DPH1: variants seen among roughly 807,000 people sequenced by gnomAD.
The protein encoded by DPH1 is diphthamide biosynthesis 1.
Under a neutral mutation model 55.3 loss-of-function variants are expected in DPH1, and 59 were observed. The ratio of observed to expected loss-of-function variants is 1.07; its 90% CI spans 0.87 to 1.33. The LOEUF is 1.33. Ranked by LOEUF, DPH1 falls within the 40% of genes most tolerant of loss-of-function variation. The pLI is 0.00. For synonymous variants in DPH1, 238 were observed against 235.5 expected, an observed-to-expected ratio of 1.01 and a Z score of -0.10; for missense variants, 628 against 584.8, an observed-to-expected ratio of 1.07 and a Z score of -0.76.
rs1163284311 is a variant in DPH1, at chr17:2,036,203, C to T, written c.400+112C>T. 3 of 1,493,866 alleles carry T rather than the reference C, an allele frequency of 2.0e-6. No individual in the cohort carries two copies. The highest frequency in any genetic ancestry group is 2.7e-6 in the Non-Finnish European group (3 of 1,119,022). 92.5% of individuals were successfully genotyped at this position (1,493,866 alleles called of 1,614,324 possible). A position where few individuals can be genotyped will look rare whatever the true frequency, so the allele number is the denominator to read the frequency against. Reference sequence around the variant, plus strand: ...TGTCCTGCTTGGAGACACAAGGTCCCTCCTGGTTTCTGGGGTGGCCTCTGC... The same window carrying T: ...TGTCCTGCTTGGAGACACAAGGTCCTTCCTGGTTTCTGGGGTGGCCTCTGC... On this transcript the variant is annotated intron_variant, in intron 4 of 12. Coordinates refer to ENST00000263083, the MANE Select transcript of DPH1 (RefSeq NM_001383.6). The surrounding 1 kb of genome is among the most constrained non-coding windows in gnomAD (Gnocchi z 4.8).
chr17:2,039,675 C>A lies in DPH1; in HGVS notation c.681-80C>A. The A allele has an allele frequency of 1.9e-6, 3 of 1,586,658 alleles. No homozygotes were observed. In the East Asian group the frequency reaches 6.7e-5, roughly 36 times the overall value. ...TACAGGCGTGAGCCACCGCGCCCGG[C>A]CAGCCCTGTGGACTTCTAAGCCAGC... On this transcript the variant is annotated intron_variant, in intron 6 of 12. Coordinates refer to ENST00000263083, the MANE Select transcript of DPH1 (RefSeq NM_001383.6).
Position 2,042,825 on chromosome 17 carries a change from C to T in DPH1, c.*239C>T. On this transcript the variant is annotated 3_prime_UTR_variant, in exon 13 of 13. Coordinates refer to ENST00000263083, the MANE Select transcript of DPH1 (RefSeq NM_001383.6). Reference sequence around the variant, plus strand: ...TTGTGTGTGCCCTGGGCCAGGCAGGCGATCCCCGCTTCCCCTTGCCACGGT... The same window carrying T: ...TTGTGTGTGCCCTGGGCCAGGCAGGTGATCCCCGCTTCCCCTTGCCACGGT... 1 of 1,614,124 alleles carries T rather than the reference C, an allele frequency of 6.2e-7. No homozygotes were observed. Among genetic ancestry groups the T allele is most frequent in the Non-Finnish European group, 8.5e-7 (1 of 1,180,024 alleles).
intron 1 of DPH1, 32 bp from the exon 2 acceptor site, chr17:2,033,473 A>T (rs764762321): frequency 6.2e-7 from 1 of 1,613,496 alleles, no homozygotes; most frequent in South Asian, 1.1e-5. Flanking sequence ...AGCCAAAGAC[A>T]GACACCAACT....
intron 1 of DPH1, among the ~76,000 whole-genome samples, chr17:2,030,944 G>A (rs770451918): frequency 2.3e-4 from 35 of 152,168 alleles, no homozygotes; most frequent in Non-Finnish European, 4.7e-4. Context: ...CATCCCCACC[G>A]CCGCCCACAC....
chr17:2,035,908 G>A, intron 3 of DPH1, 62 bp from the exon 4 acceptor site: 1 of 1,601,750 alleles, frequency 6.2e-7, no homozygotes, highest in South Asian at 1.1e-5. Flanking sequence ...TCCCAGGGTT[G>A]GGTCTCTCCT....
In DPH1 at chr17:2,033,657, G is replaced by A; in HGVS notation, c.214G>A (p.Val72Met). 1 of 1,614,014 alleles carries A rather than the reference G, an allele frequency of 6.2e-7. No homozygotes were observed. Among genetic ancestry groups the A allele is most frequent in the Non-Finnish European group, 8.5e-7 (1 of 1,179,910 alleles). The change falls in exon 2 of 13, where the codon GTG becomes ATG. Residue 72 changes from valine to methionine, a missense_variant and splice_region_variant. Transcript: ENST00000263083. ...GATCCAACAAGCCCAGGCCAAGAAG[G>A]GTGAGCCTGTGATCATTGAGCTGGG... is the stretch of plus-strand genomic sequence containing the variant. Reference protein sequence around the residue: ...WRIQQAQAKKVALQMPEGLLL... With the variant: ...WRIQQAQAKKMALQMPEGLLL...
chr17:2,036,222 C>T lies in DPH1; in HGVS notation c.400+131C>T. 1 of 1,439,382 alleles carries T rather than the reference C, an allele frequency of 6.9e-7. No homozygotes were observed. The highest frequency in any genetic ancestry group is 9.2e-7 in the Non-Finnish European group (1 of 1,083,668). The allele number at this position is 1,439,382 out of a possible 1,614,324, so 89.2% of individuals were successfully genotyped here. On this transcript the variant is annotated intron_variant, in intron 4 of 12. Coordinates refer to ENST00000263083, the MANE Select transcript of DPH1 (RefSeq NM_001383.6). The surrounding 1 kb of genome is among the most constrained non-coding windows in gnomAD (Gnocchi z 4.8). The stretch of plus-strand genomic sequence containing the variant: ...AGGTCCCTCCTGGTTTCTGGGGTGG[C>T]CTCTGCCTTCCCGCTCTGCAGGTAG...
chr17:2,036,420 T>A lies in DPH1; in HGVS notation c.401-109T>A, dbSNP rs752163379. 5 of 1,408,816 alleles carry A rather than the reference T, an allele frequency of 3.5e-6. No individual in the cohort carries two copies. The African/African-American group carries it at 5.7e-5, about 16-fold the overall frequency. 87.3% of individuals were successfully genotyped at this position (1,408,816 alleles called of 1,614,324 possible). ...CCCCTCTTCTCCTACCCTGTCCTTT[T>A]ACCCCCAGGCTGAAGCCACTGCGCC... On this transcript the variant is annotated intron_variant, in intron 4 of 12. Coordinates refer to ENST00000263083, the MANE Select transcript of DPH1 (RefSeq NM_001383.6). The surrounding 1 kb of genome is among the most constrained non-coding windows in gnomAD (Gnocchi z 4.8).
chr17:2,040,713 T>C (rs999440758), intron 9 of DPH1, 108 bp downstream of exon 9: 1 of 1,305,568 alleles, frequency 7.7e-7, no homozygotes, highest in African/African-American at 1.5e-5. Context: ...GGTCATGGAA[T>C]TTTACTGTTT....
At chr17:2,041,284 A>G in intron 10 of DPH1, 103 bp downstream of exon 10, 7 of 1,488,078 alleles carry the variant, frequency 4.7e-6, no homozygotes, top group South Asian at 1.2e-5. Context: ...ATGTTCGTAG[A>G]TTCCGGAGTC....
At chr17:2,039,725 CCA>C (rs2067483824) in intron 6 of DPH1, 28 bp from the exon 7 acceptor site, 1 of 1,614,008 alleles carries the variant, frequency 6.2e-7, no homozygotes, top group South Asian at 1.1e-5. Flanking sequence ...CTGCCCTAAA[CCA>C]CACTTAGCCT....
At chr17:2,037,185 C>A in intron 6 of DPH1, 1 of 499,744 alleles carries the variant, frequency 2.0e-6, no homozygotes, top group Non-Finnish European at 3.3e-6. Flanking sequence ...GGGCAGGAAT[C>A]AGAGGGCCTG....
At chr17:2,037,122 A>G in intron 6 of DPH1, 166 bp downstream of exon 6, 4 of 1,042,400 alleles carry the variant, frequency 3.8e-6, no homozygotes, top group Non-Finnish European at 5.3e-6. Context: ...CCTCAGGTTT[A>G]CTGTCGCTTT....
chr17:2,043,035 C>G lies in DPH1; in HGVS notation c.*449C>G. The G allele has an allele frequency of 6.2e-7, 1 of 1,614,060 alleles. No homozygotes were observed. The highest frequency in any genetic ancestry group is 1.3e-5 in the African/African-American group (1 of 75,066). ...CCATCACCCTCACCCACTCTGGTGG[C>G]CACTTCATTCCAGCAGCTGCACCCC... On this transcript the variant is annotated 3_prime_UTR_variant, in exon 13 of 13. Coordinates refer to ENST00000263083, the MANE Select transcript of DPH1 (RefSeq NM_001383.6).
In DPH1 at chr17:2,043,021, A is replaced by C. The variant is rs373760635; in HGVS notation, c.*435A>C. 3.9e-5 allele frequency: 63 copies of C among 1,613,714 alleles called. No homozygotes were observed. The highest frequency in any genetic ancestry group is 3.6e-4 in the East Asian group (16 of 44,892). ...CCAATTTCCCGGAGCCATCACCCTC[A>C]CCCACTCTGGTGGCCACTTCATTCC... On this transcript the variant is annotated 3_prime_UTR_variant, in exon 13 of 13. Transcript: ENST00000263083.
chr17:2,041,301 G>T, intron 10 of DPH1, 120 bp downstream of exon 10: 1 of 1,465,626 alleles, frequency 6.8e-7, no homozygotes. Flanking sequence ...AGTCTGTCTC[G>T]ATTTCTCCAG....
At chr17:2,038,017 C>T (rs1448856645) in intron 6 of DPH1, among the ~76,000 whole-genome samples, 1 of 152,106 alleles carries the variant, frequency 6.6e-6, no homozygotes, top group Non-Finnish European at 1.5e-5. Flanking sequence ...GTCCAATAAA[C>T]AGTAGCTGTT....
intron 1 of DPH1, among the ~76,000 whole-genome samples, chr17:2,032,802 G>A (rs1055849853): frequency 6.6e-5 from 10 of 152,186 alleles, no homozygotes; most frequent in East Asian, 5.8e-4. Flanking sequence ...GGAGTGCAGC[G>A]GCGTGATCTC....
Position 2,033,548 on chromosome 17 carries a change from G to C in DPH1, c.105G>C (p.Glu35Asp). 1 of 1,614,186 alleles carries C rather than the reference G, an allele frequency of 6.2e-7. No individual in the cohort carries two copies. The highest frequency in any genetic ancestry group is 8.5e-7 in the Non-Finnish European group (1 of 1,180,040). ...RGRVANQIPPEILKNPQLQAA... is the reference protein window; with the variant it reads ...RGRVANQIPPDILKNPQLQAA... ...GCGTGGCCAATCAGATCCCCCCTGA[G>C]ATCCTGAAGAACCCTCAGCTGCAGG... The change falls in exon 2 of 13, where the codon GAG (glutamate) becomes GAC (aspartate). Residue 35 changes from glutamate (E) to aspartate (D), a missense_variant. Glu to Asp is a conservative substitution (Grantham distance 45). Coordinates refer to ENST00000263083, the MANE Select transcript of DPH1 (RefSeq NM_001383.6).
Sources: allele counts gnomAD v4.1 joint callset (sites outside exome capture counted in the v4.1 genomes callset), GRCh38; gene constraint gnomAD v4.1.1; non-coding constraint Gnocchi (gnomAD v3.1); transcripts MANE v1.5; gene names NCBI Gene and HGNC (gene_info 2026-07-23, HGNC 2026-07-21).